SLC9A4: variants seen among roughly 807,000 people sequenced by gnomAD.
SLC9A4 encodes sodium/hydrogen exchanger 4.
SLC9A4 carries 63 observed loss-of-function variants against 67.4 expected under a neutral mutation model. That is an observed-to-expected ratio of 0.93 (90% CI 0.76 to 1.15). SLC9A4 has a LOEUF of 1.15. SLC9A4 is among the 50% of genes most tolerant of loss of function. SLC9A4 has a pLI of 0.00. For synonymous variants in SLC9A4, 393 were observed against 367.2 expected (o/e 1.07, Z -0.80); for missense variants, 1,089 against 987.7 (o/e 1.10, Z -1.38).
chr2:102,499,228 G>A (rs533691638), intron 2 of SLC9A4, among the ~76,000 whole-genome samples: 2 of 152,272 alleles, frequency 1.3e-5, no homozygotes, highest in East Asian at 1.9e-4. Context: ...AGATCTGAGG[G>A]GCTCTGATGG....
At chr2:102,509,808 A>G (rs568108356) in intron 6 of SLC9A4, among the ~76,000 whole-genome samples, 2 of 152,312 alleles carry the variant, frequency 1.3e-5, no homozygotes, top group Admixed American at 1.3e-4. Context: ...TAGGACACTC[A>G]TTGAATAACA....
chr2:102,529,133 G>A (rs537932354), intron 11 of SLC9A4, among the ~76,000 whole-genome samples: 44 of 152,174 alleles, frequency 2.9e-4, no homozygotes, highest in Non-Finnish European at 4.3e-4. Flanking sequence ...GCCTTGACAT[G>A]GGTAAATACA....
chr2:102,518,393 T>C (rs928654687), intron 8 of SLC9A4, among the ~76,000 whole-genome samples: 1 of 152,178 alleles, frequency 6.6e-6, no homozygotes, highest in Admixed American at 6.5e-5. Context: ...GTGTTCAGAT[T>C]GTGGAAGTGT....
At position 102,479,157 on chromosome 2, in the gene SLC9A4, A is replaced by G. The variant is rs779300185; in HGVS notation, c.575A>G (p.Asn192Ser). 2 of 1,614,136 alleles carry G rather than the reference A, an allele frequency of 1.2e-6. No homozygotes were observed. The highest frequency in any genetic ancestry group is 1.7e-6 in the Non-Finnish European group (2 of 1,180,002). ...QVKAFGLGDVNLLQNLLFGSL... is the reference protein window; with the variant it reads ...QVKAFGLGDVSLLQNLLFGSL... ...AAGGCCTTTGGCCTGGGCGACGTCA[A>G]CCTGCTGCAGAACCTGCTGTTCGGC... is the stretch of plus-strand genomic sequence containing the variant. The change falls in exon 2 of 12, where the codon AAC becomes AGC. Residue 192 changes from asparagine (N) to serine (S), a missense_variant. Physicochemically the swap from Asn to Ser is conservative, Grantham distance 46 (BLOSUM62 1). Coordinates refer to ENST00000295269, the MANE Select transcript of SLC9A4 (RefSeq NM_001011552.4).
At chr2:102,528,844 CTT>C (rs1369699107) in intron 11 of SLC9A4, among the ~76,000 whole-genome samples, 1 of 152,156 alleles carries the variant, frequency 6.6e-6, no homozygotes, top group Non-Finnish European at 1.5e-5. Context: ...CTCAGTCACA[CTT>C]TCAGTCAAAG....
chr2:102,479,332 G>T, intron 2 of SLC9A4, 30 bp downstream of exon 2: 1 of 1,572,374 alleles, frequency 6.4e-7, no homozygotes, highest in Non-Finnish European at 8.6e-7. Context: ...CCCGGCTTCC[G>T]GGGGAGATGA....
chr2:102,526,728 A>G (rs1030549475), intron 11 of SLC9A4, among the ~76,000 whole-genome samples: 1 of 152,206 alleles, frequency 6.6e-6, no homozygotes, highest in Non-Finnish European at 1.5e-5. Flanking sequence ...ATATTCACCC[A>G]CTATTTAAAT....
intron 1 of SLC9A4, among the ~76,000 whole-genome samples, chr2:102,474,949 C>G (rs1415969821): frequency 1.3e-5 from 2 of 152,066 alleles, no homozygotes; most frequent in Non-Finnish European, 2.9e-5. Context: ...GTGGGTTGAG[C>G]CTTGAGGTCT....
chr2:102,484,533 C>G (rs1257769715), intron 2 of SLC9A4, among the ~76,000 whole-genome samples: 1 of 152,198 alleles, frequency 6.6e-6, no homozygotes, highest in Non-Finnish European at 1.5e-5. Context: ...GGAGTAAGCA[C>G]TCAATGAATG....
Position 102,520,027 on chromosome 2 carries a change from A to T in SLC9A4, c.1818+72A>T. ...CAGTCTCTGAAGGGGGAGTCTGTTG[A>T]TGTTCAAGTCTCCTGATGTTCACGT... On this transcript the variant is annotated intron_variant, in intron 9 of 11. Transcript: ENST00000295269. 2.3e-6 allele frequency: 3 copies of T among 1,282,764 alleles called. No individual in the cohort carries two copies. The Admixed American group carries it at 5.3e-5, about 23-fold the overall frequency. The allele number at this position is 1,282,764 out of a possible 1,614,324, so 79.5% of individuals were successfully genotyped here.
At chr2:102,516,928 TGCATTTTA>T (rs1365875495) in intron 8 of SLC9A4, among the ~76,000 whole-genome samples, 3 of 152,238 alleles carry the variant, frequency 2.0e-5, no homozygotes, top group African/African-American at 7.2e-5. Context: ...AACTTCAAAA[TGCATTTTA>T]AAACTCCCAG....
rs1684406613 is a variant in SLC9A4, at chr2:102,479,268, TTGGGGAGGCCC to T, written c.689_699del (p.Gly230AlafsTer3). The T allele has an allele frequency of 1.2e-6, 2 of 1,613,104 alleles. No individual in the cohort carries two copies. Among genetic ancestry groups the T allele is most frequent in the Non-Finnish European group, 1.7e-6 (2 of 1,179,650 alleles). Reference sequence around the variant, plus strand: ...AACGAGCAGCTCTACATGATGATCTTTGGGGAGGCCCTGCTCAATGATGGCATTACTGTGGT... The same window carrying T: ...AACGAGCAGCTCTACATGATGATCTTTGCTCAATGATGGCATTACTGTGGT... On this transcript the variant is annotated frameshift_variant, in exon 2 of 12. Transcript: ENST00000295269. LOFTEE classifies it high-confidence loss of function.
chr2:102,508,479 A>G (rs1685094290), intron 5 of SLC9A4, among the ~76,000 whole-genome samples, 198 bp downstream of exon 5: 1 of 152,240 alleles, frequency 6.6e-6, no homozygotes, highest in Non-Finnish European at 1.5e-5. Context: ...TCAATACAGC[A>G]TATTTATCAA....
chr2:102,527,369 T>G (rs1403294835), intron 11 of SLC9A4, among the ~76,000 whole-genome samples: 2 of 152,210 alleles, frequency 1.3e-5, no homozygotes, highest in African/African-American at 2.4e-5. Flanking sequence ...GAACAAATGT[T>G]GTACCTAGGT....
intron 11 of SLC9A4, among the ~76,000 whole-genome samples, chr2:102,530,184 T>C (rs371847852): frequency 5.3e-5 from 8 of 152,326 alleles, no homozygotes; most frequent in African/African-American, 1.7e-4. Context: ...CAGTGTATCC[T>C]GCATCAGGTA....
chr2:102,507,749 T>A (rs1214644505), intron 4 of SLC9A4, among the ~76,000 whole-genome samples: 1 of 152,070 alleles, frequency 6.6e-6, no homozygotes, highest in Non-Finnish European at 1.5e-5. Context: ...TTTTGAAAGG[T>A]GGGACAAAAA....
intron 9 of SLC9A4, among the ~76,000 whole-genome samples, chr2:102,520,634 T>C (rs984203852): frequency 2.6e-5 from 4 of 152,332 alleles, no homozygotes; most frequent in Non-Finnish European, 4.4e-5. Context: ...TTAATCCTAA[T>C]ACTTGGGTGT....
chr2:102,487,106 A>G (rs963830857), intron 2 of SLC9A4, among the ~76,000 whole-genome samples: 1 of 152,074 alleles, frequency 6.6e-6, no homozygotes, highest in African/African-American at 2.4e-5. Flanking sequence ...GGATTCAGGC[A>G]TTTGCCTTCA....
At chr2:102,490,101 T>C (rs571482445) in intron 2 of SLC9A4, among the ~76,000 whole-genome samples, 3 of 152,352 alleles carry the variant, frequency 2.0e-5, no homozygotes, top group African/African-American at 7.2e-5. Context: ...CCAACGTTTT[T>C]TTTTTTTAAC....
Sources: allele counts gnomAD v4.1 joint callset (sites outside exome capture counted in the v4.1 genomes callset), GRCh38; gene constraint gnomAD v4.1.1; transcripts MANE v1.5; gene names NCBI Gene and HGNC (gene_info 2026-07-23, HGNC 2026-07-21).